NARS2: variants seen among roughly 807,000 people sequenced by gnomAD.
NARS2 encodes the protein asparaginyl-tRNA synthetase.
NARS2 carries 60 observed loss-of-function variants against 62.9 expected under a neutral mutation model. The ratio of observed to expected loss-of-function variants is 0.95; its 90% CI spans 0.77 to 1.18. NARS2 has a LOEUF of 1.18. Among genes scored for constraint, NARS2 ranks in the 50% most tolerant of loss-of-function variants. The pLI, the probability that NARS2 is intolerant of heterozygous loss-of-function variation, is 0.00. For synonymous variants in NARS2, 196 were observed against 200.0 expected (o/e 0.98, Z 0.17); for missense variants, 619 against 576.4 (o/e 1.07, Z -0.76).
intron 11 of NARS2, among the ~76,000 whole-genome samples, chr11:78,464,985 TG>T (rs1035216563): frequency 6.6e-6 from 1 of 152,154 alleles, no homozygotes. Context: ...CCTCAGCCCT[TG>T]GGTGGTCAAT....
At chr11:78,528,363 T>TTG (rs1311802462) in intron 6 of NARS2, among the ~76,000 whole-genome samples, 4 of 152,180 alleles carry the variant, frequency 2.6e-5, no homozygotes, top group African/African-American at 9.7e-5. Flanking sequence ...TTTCCAGAGG[T>TTG]CTGACAGTTG....
chr11:78,442,025 C>A (rs1857591000), intron 12 of NARS2, among the ~76,000 whole-genome samples: 1 of 152,036 alleles, frequency 6.6e-6, no homozygotes, highest in African/African-American at 2.4e-5. Flanking sequence ...TGAAGAGCAG[C>A]CATAGACAGA....
chr11:78,484,790 T>C (rs1406256045), intron 7 of NARS2, among the ~76,000 whole-genome samples: 3 of 152,024 alleles, frequency 2.0e-5, no homozygotes, highest in Non-Finnish European at 4.4e-5. Flanking sequence ...TTGGTGGGAG[T>C]GTCAATTAGT....
chr11:78,488,234 T>TAA (rs34959536), intron 7 of NARS2, among the ~76,000 whole-genome samples: 112 of 128,882 alleles, frequency 8.7e-4, no homozygotes, highest in Middle Eastern at 4.3e-3. Context: ...GCCTACCTGG[T>TAA]AAAAAAAAAA....
At chr11:78,467,570 T>TAAA (rs202242448) in intron 10 of NARS2, among the ~76,000 whole-genome samples, 3,220 of 147,538 alleles carry the variant, frequency 0.022, 105 homozygotes, top group African/African-American at 0.07. Context: ...AATAAATAAA[T>TAAA]TAATTAATTA....
intron 5 of NARS2, among the ~76,000 whole-genome samples, chr11:78,544,040 A>AAAAC (rs1367600620): frequency 1.3e-5 from 2 of 148,658 alleles, no homozygotes; most frequent in Non-Finnish European, 3.0e-5. Flanking sequence ...AAAAAAAAAA[A>AAAAC]CTCTCTCTCA....
chr11:78,528,597 C>T (rs1296148343), intron 6 of NARS2, among the ~76,000 whole-genome samples: 1 of 152,034 alleles, frequency 6.6e-6, no homozygotes, highest in Non-Finnish European at 1.5e-5. Context: ...ATTCTGATTA[C>T]ATGTTTGGGA....
chr11:78,440,149 C>T (rs1299249691), intron 13 of NARS2, among the ~76,000 whole-genome samples: 6 of 152,140 alleles, frequency 3.9e-5, no homozygotes, highest in Non-Finnish European at 8.8e-5. Flanking sequence ...TTGTAACCTC[C>T]GCCTCCCAGG....
intron 5 of NARS2, among the ~76,000 whole-genome samples, chr11:78,556,415 G>T (rs914951955): frequency 1.3e-5 from 2 of 152,098 alleles, no homozygotes; most frequent in East Asian, 3.9e-4. Flanking sequence ...ATACAGTTGT[G>T]CATCGCCACC....
intron 11 of NARS2, among the ~76,000 whole-genome samples, chr11:78,446,882 A>G (rs1857779874): frequency 6.6e-6 from 1 of 152,164 alleles, no homozygotes; most frequent in Admixed American, 6.5e-5. Context: ...ACAGCAAAGG[A>G]AACAATTAAC....
intron 6 of NARS2, among the ~76,000 whole-genome samples, chr11:78,513,345 T>C (rs1043280065): frequency 2.9e-5 from 2 of 67,976 alleles, no homozygotes; most frequent in African/African-American, 8.9e-5. Context: ...ATTCACTCTT[T>C]CTTTTTTTTT....
chr11:78,480,022 C>T (rs1859278107), intron 7 of NARS2, among the ~76,000 whole-genome samples: 1 of 152,164 alleles, frequency 6.6e-6, no homozygotes, highest in African/African-American at 2.4e-5. Flanking sequence ...CCTCAGCCAA[C>T]TGAGTAACTG....
chr11:78,564,043 C>T (rs1396410807), intron 4 of NARS2, among the ~76,000 whole-genome samples: 1 of 149,064 alleles, frequency 6.7e-6, no homozygotes, highest in Non-Finnish European at 1.5e-5. Context: ...GAACTACAGG[C>T]ACACGCCACC....
At chr11:78,574,266 G>A (rs904266881) in intron 1 of NARS2, 82 bp downstream of exon 1, 2 of 1,569,458 alleles carry the variant, frequency 1.3e-6, no homozygotes, top group Non-Finnish European at 1.8e-6. Context: ...TGTCTGACCC[G>A]ACTGTAAAAG....
chr11:78,494,912 A>G (rs959130419), intron 6 of NARS2, among the ~76,000 whole-genome samples: 17 of 152,070 alleles, frequency 1.1e-4, no homozygotes, highest in African/African-American at 3.9e-4. Context: ...CAGATCCCAC[A>G]TTCCCCAGCT....
chr11:78,552,417 G>A (rs991238847), intron 5 of NARS2, among the ~76,000 whole-genome samples: 6 of 152,042 alleles, frequency 3.9e-5, no homozygotes, highest in East Asian at 1.9e-4. Context: ...GGTTGACTCC[G>A]TATCTTTGCT....
At chr11:78,454,483 G>C (rs1858083561) in intron 11 of NARS2, among the ~76,000 whole-genome samples, 1 of 152,132 alleles carries the variant, frequency 6.6e-6, no homozygotes, top group Non-Finnish European at 1.5e-5. Context: ...TGACATGCCT[G>C]TTCCCTCTTT....
intron 6 of NARS2, among the ~76,000 whole-genome samples, chr11:78,508,546 G>A (rs1860590618): frequency 6.7e-6 from 1 of 148,450 alleles, no homozygotes. Context: ...CTGAGATCAT[G>A]ACACTGCACT....
intron 6 of NARS2, among the ~76,000 whole-genome samples, chr11:78,513,164 C>G (rs557450272): frequency 1.3e-5 from 2 of 151,998 alleles, no homozygotes; most frequent in East Asian, 3.9e-4. Context: ...GCAGGAGAAT[C>G]GCTGGAACCT....
Sources: allele counts gnomAD v4.1 joint callset (sites outside exome capture counted in the v4.1 genomes callset), GRCh38; gene constraint gnomAD v4.1.1; transcripts MANE v1.5; gene names NCBI Gene and HGNC (gene_info 2026-07-23, HGNC 2026-07-21).